PID1: variants seen among roughly 807,000 people sequenced by gnomAD.
The protein encoded by PID1 is PTB-containing, cubilin and LRP1-interacting protein.
Under a neutral mutation model 19.1 loss-of-function variants are expected in PID1, and 10 were observed. The observed-to-expected ratio is 0.52, with a 90% CI of 0.32 to 0.89. The LOEUF is 0.89. PID1 is among the 40% of genes least tolerant of loss of function. The pLI is 0.03. For missense variants in PID1, 248 were observed against 285.3 expected, an observed-to-expected ratio of 0.87 and a Z score of 0.94; for synonymous variants, 130 against 116.0, an observed-to-expected ratio of 1.12 and a Z score of -0.78.
chr2:229,029,155 A>T (rs1285417667), intron 2 of PID1, among the ~76,000 whole-genome samples: 1 of 151,960 alleles, frequency 6.6e-6, no homozygotes, highest in African/African-American at 2.4e-5. Flanking sequence ...GACCATTAAC[A>T]CACCAAACCT....
intron 2 of PID1, among the ~76,000 whole-genome samples, chr2:229,093,321 A>C (rs566535771): frequency 1.2e-4 from 18 of 151,902 alleles, no homozygotes; most frequent in African/African-American, 4.3e-4. Flanking sequence ...ATGGGGTTTC[A>C]CCACGTTGTC....
intron 1 of PID1, among the ~76,000 whole-genome samples, chr2:229,187,958 C>T (rs1009629402): frequency 6.6e-6 from 1 of 152,176 alleles, no homozygotes; most frequent in African/African-American, 2.4e-5. Flanking sequence ...TGCTGAATTA[C>T]ATACAGACTG....
chr2:229,145,678 G>A (rs971697056), intron 2 of PID1, among the ~76,000 whole-genome samples: 12 of 152,200 alleles, frequency 7.9e-5, no homozygotes, highest in Middle Eastern at 3.4e-3. Context: ...TACTCAAAAT[G>A]AGGAGAAAAG....
intron 2 of PID1, among the ~76,000 whole-genome samples, chr2:229,044,374 C>A (rs563195707): frequency 6.6e-6 from 1 of 152,140 alleles, no homozygotes; most frequent in Non-Finnish European, 1.5e-5. Flanking sequence ...GCCCATCCCA[C>A]CAAGAAAAAG....
At chr2:229,263,637 T>C (rs778633715) in intron 1 of PID1, among the ~76,000 whole-genome samples, 1 of 152,212 alleles carries the variant, frequency 6.6e-6, no homozygotes, top group Non-Finnish European at 1.5e-5. Flanking sequence ...GTGTAGTTAA[T>C]GAACTCAAGC....
At chr2:229,041,426 A>C (rs949449679) in intron 2 of PID1, among the ~76,000 whole-genome samples, 3 of 152,218 alleles carry the variant, frequency 2.0e-5, no homozygotes, top group Non-Finnish European at 4.4e-5. Flanking sequence ...ATTGATATAA[A>C]TAGATAAATG....
chr2:229,216,394 C>T (rs1691846866), intron 1 of PID1, among the ~76,000 whole-genome samples: 1 of 152,132 alleles, frequency 6.6e-6, no homozygotes, highest in African/African-American at 2.4e-5. Context: ...TTTGGGTGTT[C>T]TGATGGTTTT....
intron 1 of PID1, among the ~76,000 whole-genome samples, chr2:229,250,031 A>G (rs1362935909): frequency 6.6e-6 from 1 of 152,198 alleles, no homozygotes; most frequent in Non-Finnish European, 1.5e-5. Flanking sequence ...GCATCCGATA[A>G]AGGCACTTTT....
At chr2:229,032,537 A>G (rs1469769928) in intron 2 of PID1, among the ~76,000 whole-genome samples, 1 of 152,210 alleles carries the variant, frequency 6.6e-6, no homozygotes, top group Non-Finnish European at 1.5e-5. Context: ...TGGTCACAAA[A>G]TGTGTCCAAA....
At chr2:229,184,398 T>C (rs62648933) in intron 1 of PID1, among the ~76,000 whole-genome samples, 1,259 of 23,840 alleles carry the variant, frequency 0.053, 75 homozygotes, top group Non-Finnish European at 0.066. Context: ...TATATATCTA[T>C]CCCGTATATA....
chr2:229,234,882 T>C (rs1195129810), intron 1 of PID1, among the ~76,000 whole-genome samples: 2 of 152,184 alleles, frequency 1.3e-5, no homozygotes, highest in Non-Finnish European at 2.9e-5. Flanking sequence ...ATGCTAAATA[T>C]TAAATATAAA....
Position 229,178,548 on chromosome 2 carries a change from C to G in PID1, c.31-22584G>C, listed in dbSNP as rs1041232093. On this transcript the variant is annotated intron_variant, in intron 1 of 2. Transcript: ENST00000392055. The stretch of plus-strand genomic sequence containing the variant: ...CATTAATCTTGATTGTAGTCTTTCT[C>G]AGTGACTCTAATCCTCCTGGCCACT... 2.0e-5 allele frequency among the ~76,000 whole-genome samples: 3 copies of G among 152,090 alleles called. No homozygotes were observed. In the East Asian group the frequency reaches 5.8e-4, roughly 29 times the overall value.
intron 1 of PID1, among the ~76,000 whole-genome samples, chr2:229,267,191 A>G (rs1690612305): frequency 6.6e-6 from 1 of 152,236 alleles, no homozygotes; most frequent in African/African-American, 2.4e-5. Flanking sequence ...AGAAGAAACC[A>G]AAAGAAAGCT....
chr2:229,196,143 A>G (rs1232850112), intron 1 of PID1, among the ~76,000 whole-genome samples: 2 of 152,122 alleles, frequency 1.3e-5, no homozygotes, highest in Non-Finnish European at 1.5e-5. Context: ...ATCATAACTC[A>G]GTAATAATAA....
At chr2:229,235,664 T>C (rs1013796987) in intron 1 of PID1, among the ~76,000 whole-genome samples, 1 of 152,216 alleles carries the variant, frequency 6.6e-6, no homozygotes, top group Non-Finnish European at 1.5e-5. Context: ...ATTATCGTTG[T>C]TCTTGAGCAA....
At position 229,086,890 on chromosome 2, in the gene PID1, A is replaced by G. The variant is rs1574617584; in HGVS notation, c.178-60782T>C. On this transcript the variant is annotated intron_variant, in intron 2 of 2. Coordinates refer to ENST00000392055, the MANE Select transcript of PID1 (RefSeq NM_001100818.2). ...TATTCTCACCATCACAACACAGTTAAGTATGCTTGCACACGTGTGTACACA... is the reference window on the plus strand; with the variant it reads ...TATTCTCACCATCACAACACAGTTAGGTATGCTTGCACACGTGTGTACACA... 2.1e-5 allele frequency among the ~76,000 whole-genome samples: 3 copies of G among 142,834 alleles called. No homozygotes were observed. In the Admixed American group the frequency reaches 2.2e-4, roughly 10 times the overall value. 93.7% of individuals were successfully genotyped at this position (142,834 alleles called of 152,430 possible). A position where few individuals can be genotyped will look rare whatever the true frequency, so the allele number is the denominator to read the frequency against.
At chr2:229,187,464 G>T (rs925781889) in intron 1 of PID1, among the ~76,000 whole-genome samples, 2 of 152,110 alleles carry the variant, frequency 1.3e-5, no homozygotes, top group Admixed American at 1.3e-4. Context: ...TTACATGAAC[G>T]GCGGCAGGCA....
At chr2:229,036,906 G>T (rs983696549) in intron 2 of PID1, among the ~76,000 whole-genome samples, 3 of 152,166 alleles carry the variant, frequency 2.0e-5, no homozygotes, top group African/African-American at 4.8e-5. Flanking sequence ...GCCTGACCAC[G>T]AAGTAGAGGG....
chr2:229,067,906 G>T (rs1389447983), intron 2 of PID1, among the ~76,000 whole-genome samples: 2 of 152,188 alleles, frequency 1.3e-5, no homozygotes, highest in Non-Finnish European at 2.9e-5. Context: ...AATGGGGGCA[G>T]GGCAAGGTCT....
Sources: gnomAD v4.1 joint callset for allele counts (sites outside exome capture counted in the v4.1 genomes callset) on GRCh38, gnomAD v4.1.1 for gene constraint, MANE v1.5 for transcripts, NCBI Gene and HGNC (gene_info 2026-07-23, HGNC 2026-07-21) for gene names.